The following ADAR variants were observed in gnomAD, a reference collection of about 807,000 sequenced individuals.
The protein encoded by ADAR is adenosine deaminase RNA specific, also known as double-stranded RNA-specific adenosine deaminase.
In ADAR, 41 loss-of-function variants were observed where a neutral mutation model predicts 113.2. The ratio of observed to expected loss-of-function variants is 0.36; its 90% CI spans 0.28 to 0.47. The LOEUF is 0.47. Among genes scored for constraint, ADAR ranks in the 20% least tolerant of loss-of-function variants. The pLI is 1.00. For missense variants in ADAR, 1,242 were observed against 1,540.9 expected (o/e 0.81, Z 3.25); for synonymous variants, 605 against 572.6 (o/e 1.06, Z -0.81).
At position 154,602,629 on chromosome 1, in the gene ADAR, G is replaced by T. The variant is rs770745144; in HGVS notation, c.16-3C>A. On this transcript the variant is annotated splice_polypyrimidine_tract_variant and splice_region_variant and intron_variant, in intron 1 of 14. Coordinates refer to ENST00000368474, the MANE Select transcript of ADAR (RefSeq NM_001111.5). ...TAGTATCCGCTGAGGGAATACCCCT[G>T]CAGAATAAGACAGTGGAAAAAGAAA... is the stretch of plus-strand genomic sequence containing the variant. The T allele has an allele frequency of 6.2e-7, 1 of 1,613,724 alleles. No individual in the cohort carries two copies. Among genetic ancestry groups the T allele is most frequent in the Non-Finnish European group, 8.5e-7 (1 of 1,180,016 alleles).
At position 154,585,770 on chromosome 1, in the gene ADAR, T is replaced by C. The variant is rs778334248; in HGVS notation, c.3298A>G (p.Ile1100Val). ...AFEDGLRHPF[I>V]VNHPKVGRVS... ...TATAGCACCTTGGGGTGGTTGACAA[T>C]AAAGGGATGTCGTAGTCCATCCTCA... Residue 1100 changes from isoleucine to valine, a missense_variant, in exon 13 of 15, where the codon ATT becomes GTT. By Grantham distance (29) the Ile-to-Val change is conservative. This residue lies in a region of ADAR where 780 missense variants were observed against 1,057.9 expected (regional missense o/e 0.74). Transcript: ENST00000368474. 7 of 1,613,818 alleles carry C rather than the reference T, an allele frequency of 4.3e-6. No individual in the cohort carries two copies. In the Middle Eastern group the frequency reaches 5.0e-4, roughly 114 times the overall value.
chr1:154,598,012 A>C, intron 3 of ADAR, 36 bp from the exon 4 acceptor site: 1 of 1,604,556 alleles, frequency 6.2e-7, no homozygotes, highest in Non-Finnish European at 8.5e-7. Flanking sequence ...AAACAAAACT[A>C]AGAAAACACT....
chr1:154,618,403 G>A (rs1357312514), intron 1 of ADAR, among the ~76,000 whole-genome samples: 1 of 152,156 alleles, frequency 6.6e-6, no homozygotes, highest in Non-Finnish European at 1.5e-5. Flanking sequence ...TGAGGTTGGG[G>A]CAGTAAGGAG....
At chr1:154,608,521 TA>T (rs1698353043), upstream of ADAR, among the ~76,000 whole-genome samples, 1 of 134,348 alleles carries the variant, frequency 7.4e-6, no homozygotes, top group Non-Finnish European at 1.7e-5. Flanking sequence ...TTTGTATTTT[TA>T]GTAAGAACAG....
chr1:154,599,559 G>A (rs1225313830), intron 2 of ADAR, among the ~76,000 whole-genome samples: 1 of 152,186 alleles, frequency 6.6e-6, no homozygotes, highest in East Asian at 1.9e-4. Flanking sequence ...GTGTCATGAA[G>A]ACAGTCAAGA....
At chr1:154,588,748 A>C in intron 9 of ADAR, 75 bp from the exon 10 acceptor site, 2 of 1,591,536 alleles carry the variant, frequency 1.3e-6, no homozygotes, top group Non-Finnish European at 1.7e-6. Context: ...TCTGACCTCC[A>C]AATGAGAAAG....
In ADAR at chr1:154,627,929, T is replaced by TCCCCCACCAC. The variant is rs1698994976; in HGVS notation, c.-955_-946dup. 1.6e-5 allele frequency: 4 copies of TCCCCCACCAC among 244,194 alleles called. No homozygotes were observed. In the African/African-American group the frequency reaches 2.9e-4, roughly 18 times the overall value. The allele number at this position is 244,194 out of a possible 1,614,324, so 15.1% of individuals were successfully genotyped here. On this transcript the variant is annotated 5_prime_UTR_variant, in exon 1 of 15. Coordinates refer to the ADAR transcript ENST00000368471. ...TGCGGCCGCGACCCTCCCCCCACCCTCCCCCACCACGTAGCCTTCTCTACC... is the reference window on the plus strand; with the variant it reads ...TGCGGCCGCGACCCTCCCCCCACCCTCCCCCACCACCCCCCACCACGTAGCCTTCTCTACC...
At chr1:154,590,885 TCA>T (rs749313482) in intron 6 of ADAR, among the ~76,000 whole-genome samples, 1 of 151,488 alleles carries the variant, frequency 6.6e-6, no homozygotes, top group Non-Finnish European at 1.5e-5. Context: ...GCCCTGGAGG[TCA>T]AGGCTGCAGT....
At chr1:154,594,679 A>G (rs1697382011) in intron 6 of ADAR, among the ~76,000 whole-genome samples, 1 of 152,232 alleles carries the variant, frequency 6.6e-6, no homozygotes. Flanking sequence ...AAGCCTCTAT[A>G]GAAAGCATAC....
chr1:154,583,868 T>A lies in ADAR; in HGVS notation c.*938A>T, dbSNP rs147862510. On this transcript the variant is annotated 3_prime_UTR_variant, in exon 15 of 15. Coordinates refer to ENST00000368474, the MANE Select transcript of ADAR (RefSeq NM_001111.5). Reference sequence around the variant, plus strand: ...GTCATGATTATCTGAGCAGAGATGATTTTATACCCTCTAGGATTTGTCCCG... The same window carrying A: ...GTCATGATTATCTGAGCAGAGATGAATTTATACCCTCTAGGATTTGTCCCG... The A allele has an allele frequency of 6.6e-6, 1 of 152,196 alleles. No individual in the cohort carries two copies. The highest frequency in any genetic ancestry group is 1.5e-5 in the Non-Finnish European group (1 of 68,030). 9.4% of individuals were successfully genotyped at this position (152,196 alleles called of 1,614,324 possible).
intron 6 of ADAR, among the ~76,000 whole-genome samples, chr1:154,591,166 G>A (rs1162345293): frequency 6.6e-6 from 1 of 152,216 alleles, no homozygotes; most frequent in East Asian, 1.9e-4. Flanking sequence ...TACCTGCAAA[G>A]GCTCTGAGCC....
At chr1:154,589,652 T>C in intron 8 of ADAR, 105 bp downstream of exon 8, 1 of 1,434,206 alleles carries the variant, frequency 7.0e-7, no homozygotes, top group Non-Finnish European at 9.8e-7. Context: ...TAAAATGAAG[T>C]CTCTTCTCCC....
intron 1 of ADAR, among the ~76,000 whole-genome samples, chr1:154,604,324 C>T (rs1417734755): frequency 6.6e-6 from 1 of 152,186 alleles, no homozygotes; most frequent in Non-Finnish European, 1.5e-5. Flanking sequence ...CCTCGCATGA[C>T]CCCGGTGAAG....
intron 1 of ADAR, among the ~76,000 whole-genome samples, chr1:154,627,372 A>C (rs1272928243): frequency 6.6e-6 from 1 of 152,204 alleles, no homozygotes; most frequent in Non-Finnish European, 1.5e-5. Context: ...CGGCGATGTT[A>C]TCTCTGGGAT....
intron 1 of ADAR, among the ~76,000 whole-genome samples, chr1:154,607,158 C>A (rs12128435): frequency 6.6e-6 from 1 of 151,746 alleles, no homozygotes; most frequent in East Asian, 1.9e-4. Flanking sequence ...ACTTTCCATC[C>A]CTATAACTGT....
At chr1:154,592,592 G>A (rs992620603) in intron 6 of ADAR, among the ~76,000 whole-genome samples, 5 of 152,120 alleles carry the variant, frequency 3.3e-5, no homozygotes, top group African/African-American at 1.2e-4. Flanking sequence ...TAGGACTTAA[G>A]GATGAGTTGA....
At chr1:154,599,342 C>T (rs1697712722) in intron 2 of ADAR, among the ~76,000 whole-genome samples, 1 of 152,198 alleles carries the variant, frequency 6.6e-6, no homozygotes. Context: ...TATATTTGAA[C>T]ATGGCACCAA....
chr1:154,607,388 A>C (rs1024216206), intron 1 of ADAR, among the ~76,000 whole-genome samples: 3 of 152,198 alleles, frequency 2.0e-5, no homozygotes, highest in African/African-American at 7.2e-5. Context: ...GTTTTTAGCT[A>C]TAAAGTGGTT....
chr1:154,598,075 C>T (rs1353166845), intron 3 of ADAR, 99 bp from the exon 4 acceptor site: 3 of 1,426,196 alleles, frequency 2.1e-6, no homozygotes, highest in Admixed American at 2.0e-5. Flanking sequence ...ATTCCCACCA[C>T]CTGTCAAGGG....
Sources: gnomAD v4.1 joint callset for allele counts (sites outside exome capture counted in the v4.1 genomes callset) on GRCh38, gnomAD v4.1.1 for gene constraint, gnomAD v4.1.1 regional missense constraint, MANE v1.5 for transcripts, NCBI Gene and HGNC (gene_info 2026-07-23, HGNC 2026-07-21) for gene names.